PCNX1: variants seen among roughly 807,000 people sequenced by gnomAD.
The protein encoded by PCNX1 is pecanex 1, also known as pecanex-like protein 1.
In PCNX1, 78 loss-of-function variants were observed where a neutral mutation model predicts 242.2. The ratio of observed to expected loss-of-function variants is 0.32; its 90% CI spans 0.27 to 0.39. PCNX1 has a LOEUF of 0.39. Ranked by LOEUF, PCNX1 falls within the 10% of genes least tolerant of loss-of-function variation. The probability of loss-of-function intolerance (pLI) is 1.00; values close to 1 mark genes in which losing one functional copy is unlikely to be tolerated. For synonymous variants in PCNX1, 1,024 were observed against 1,032.9 expected, an observed-to-expected ratio of 0.99 and a Z score of 0.17; for missense variants, 2,581 against 2,856.5, an observed-to-expected ratio of 0.90 and a Z score of 2.20.
At chr14:70,928,311 T>C (rs2056665806) in intron 1 of PCNX1, among the ~76,000 whole-genome samples, 1 of 152,208 alleles carries the variant, frequency 6.6e-6, no homozygotes, top group Non-Finnish European at 1.5e-5. Flanking sequence ...TGCAGTGTCA[T>C]GTTGACAGAA....
intron 1 of PCNX1, among the ~76,000 whole-genome samples, chr14:70,926,234 A>G (rs1204067107): frequency 6.6e-6 from 1 of 152,222 alleles, no homozygotes; most frequent in Non-Finnish European, 1.5e-5. Context: ...GGCACACATT[A>G]TAAATGGATT....
intron 2 of PCNX1, among the ~76,000 whole-genome samples, chr14:70,948,767 A>G (rs931433646): frequency 2.7e-5 from 4 of 147,002 alleles, no homozygotes; most frequent in East Asian, 2.0e-4. Context: ...ACATATACAC[A>G]TATATGTATA....
chr14:71,049,733 T>G (rs991574852), intron 22 of PCNX1, among the ~76,000 whole-genome samples: 2 of 152,226 alleles, frequency 1.3e-5, no homozygotes, highest in African/African-American at 4.8e-5. Flanking sequence ...TCATCTACAT[T>G]TTTTAATTGG....
intron 19 of PCNX1, among the ~76,000 whole-genome samples, chr14:71,037,075 T>G (rs1413039878): frequency 6.6e-6 from 1 of 152,146 alleles, no homozygotes; most frequent in Non-Finnish European, 1.5e-5. Flanking sequence ...TCACTCATGA[T>G]TTGGCTCTCT....
intron 5 of PCNX1, among the ~76,000 whole-genome samples, chr14:70,974,382 C>T (rs2058633194): frequency 6.6e-6 from 1 of 151,844 alleles, no homozygotes; most frequent in Non-Finnish European, 1.5e-5. Context: ...ATCCACCTGC[C>T]TCGGCCTCCC....
Position 70,962,220 on chromosome 14 carries a change from C to G in PCNX1, c.363-6C>G, listed in dbSNP as rs375936341. On this transcript the variant is annotated splice_region_variant and splice_polypyrimidine_tract_variant and intron_variant, in intron 2 of 35. Transcript: ENST00000304743. ...GTTACTCTTTTTCTCATTTTTTTCT[C>G]CACAGTGATCCTGGTGGAGGGATTG... The G allele has an allele frequency of 3.9e-6, 6 of 1,556,550 alleles. No homozygotes were observed. In the African/African-American group the frequency reaches 8.1e-5, roughly 21 times the overall value.
In PCNX1 at chr14:71,112,830, T is replaced by A. The variant is rs1324920657; in HGVS notation, c.*2895T>A. The A allele has an allele frequency of 1.3e-5, 2 of 152,154 alleles. No individual in the cohort carries two copies. The highest frequency in any genetic ancestry group is 4.8e-5 in the African/African-American group (2 of 41,440). 9.4% of individuals were successfully genotyped at this position (152,154 alleles called of 1,614,324 possible). ...TTGGTGGAGTTGTATGATTGAAAAC[T>A]TTGCTTTTTCTTGTTTAATTCTTCC... On this transcript the variant is annotated 3_prime_UTR_variant, in exon 36 of 36. Transcript: ENST00000304743.
intron 8 of PCNX1, among the ~76,000 whole-genome samples, chr14:70,998,115 G>T (rs1645540851): frequency 6.6e-6 from 1 of 151,766 alleles, no homozygotes; most frequent in African/African-American, 2.4e-5. Flanking sequence ...ATGTACGTAT[G>T]CTGTTTTGCA....
chr14:70,948,664 CGT>C (rs2057566752), intron 2 of PCNX1, among the ~76,000 whole-genome samples: 1 of 137,960 alleles, frequency 7.2e-6, no homozygotes, highest in Non-Finnish European at 1.7e-5. Flanking sequence ...TATATATACA[CGT>C]GTCTATATAG....
chr14:71,069,683 T>C (rs2061542434), intron 26 of PCNX1, among the ~76,000 whole-genome samples: 1 of 152,212 alleles, frequency 6.6e-6, no homozygotes, highest in African/African-American at 2.4e-5. Context: ...AGAAAGAATG[T>C]ACTACATATC....
chr14:71,037,559 G>C (rs2060577265), intron 19 of PCNX1, among the ~76,000 whole-genome samples: 1 of 150,438 alleles, frequency 6.6e-6, no homozygotes, highest in Non-Finnish European at 1.5e-5. Context: ...TGTGGTTTTT[G>C]TCTTTGGCTC....
chr14:71,103,613 T>G lies in PCNX1; in HGVS notation c.6039T>G (p.Leu2013=). 6.2e-7 allele frequency: 1 copy of G among 1,614,172 alleles called. No individual in the cohort carries two copies. The highest frequency in any genetic ancestry group is 8.5e-7 in the Non-Finnish European group (1 of 1,180,006). The change falls in exon 32 of 36, where the codon CTT becomes CTG. Residue 2013 remains leucine, a synonymous_variant. Coordinates refer to ENST00000304743, the MANE Select transcript of PCNX1 (RefSeq NM_014982.3). ...SDSHEQLKDI[L]GGPISLGNIR... is the part of the protein sequence containing the mutation. Reference sequence around the variant, plus strand: ...GCCACGAACAGCTTAAAGACATTCTTGGGGGTCCTATCAGCTTGGGAAATA... The same window carrying G: ...GCCACGAACAGCTTAAAGACATTCTGGGGGGTCCTATCAGCTTGGGAAATA...
intron 27 of PCNX1, 56 bp from the exon 28 acceptor site, chr14:71,076,128 CTGAGT>C: frequency 1.0e-6 from 1 of 988,904 alleles, no homozygotes; most frequent in Non-Finnish European, 1.6e-6. Context: ...ATTGAGTAAT[CTGAGT>C]TAATTGAAAT....
intron 7 of PCNX1, among the ~76,000 whole-genome samples, chr14:70,994,299 G>A (rs945386405): frequency 1.3e-5 from 2 of 150,806 alleles, no homozygotes; most frequent in African/African-American, 2.4e-5. Context: ...ATATTAGCAG[G>A]ACCAAGGAAC....
intron 5 of PCNX1, among the ~76,000 whole-genome samples, chr14:70,970,448 A>C (rs1213212196): frequency 1.3e-5 from 2 of 152,212 alleles, no homozygotes; most frequent in African/African-American, 2.4e-5. Context: ...ATATGAGACC[A>C]TTACAGTGTC....
chr14:71,084,038 T>C (rs1205375338), intron 28 of PCNX1, among the ~76,000 whole-genome samples: 1 of 152,234 alleles, frequency 6.6e-6, no homozygotes, highest in Non-Finnish European at 1.5e-5. Context: ...GGTTTCTGTG[T>C]GGACATCCTT....
chr14:71,060,544 G>C (rs2061301754), intron 26 of PCNX1: 1 of 152,058 alleles, frequency 6.6e-6, no homozygotes, highest in Non-Finnish European at 1.5e-5. Flanking sequence ...CACAGCTATT[G>C]TTGCCAGGAA....
In PCNX1 at chr14:70,971,788, G is replaced by A. The variant is rs184170426; in HGVS notation, c.604+2678G>A. Among the ~76,000 whole-genome samples the A allele has an allele frequency of 1.6e-3, 238 of 152,312 alleles. 2 individuals are homozygous for A. The highest frequency in any genetic ancestry group is 5.9e-3 in the Admixed American group (90 of 15,304). On this transcript the variant is annotated intron_variant, in intron 5 of 35. Transcript: ENST00000304743. ...ATCTGAGGGGAGGGGCCCCCTCCAC[G>A]CAGAGGGAACAGCAAGGGCAAAGCC...
At chr14:70,943,052 TC>T in intron 1 of PCNX1, 1 of 154,058 alleles carries the variant, frequency 6.5e-6, no homozygotes. Flanking sequence ...TCCTGAGGCC[TC>T]CCCAGCCATG....
Sources: gnomAD v4.1 joint callset for allele counts (sites outside exome capture counted in the v4.1 genomes callset) on GRCh38, gnomAD v4.1.1 for gene constraint, MANE v1.5 for transcripts, NCBI Gene and HGNC (gene_info 2026-07-23, HGNC 2026-07-21) for gene names.